Variants in BBS9 observed in about 807,000 individuals in gnomAD.
The protein encoded by BBS9 is Bardet-Biedl syndrome 9, also known as protein PTHB1.
BBS9 carries 89 observed loss-of-function variants against 117.7 expected under a neutral mutation model. The observed-to-expected ratio is 0.76, with a 90% CI of 0.64 to 0.90. BBS9 has a LOEUF of 0.90. BBS9 is among the 40% of genes least tolerant of loss of function. BBS9 has a pLI of 0.00. For missense variants in BBS9, 982 were observed against 1,042.2 expected, an observed-to-expected ratio of 0.94 and a Z score of 0.80; for synonymous variants, 379 against 370.9, an observed-to-expected ratio of 1.02 and a Z score of -0.25.
exon 22 of BBS9, among the ~76,000 whole-genome samples, chr7:33,635,324 T>G (rs143789885): frequency 1.3e-5 from 2 of 152,170 alleles, no homozygotes; most frequent in Non-Finnish European, 2.9e-5. Context: ...GACAGGCCAA[T>G]GGAGAAGGTC....
At chr7:33,459,391 A>G (rs758377689) in intron 19 of BBS9, among the ~76,000 whole-genome samples, 8 of 151,790 alleles carry the variant, frequency 5.3e-5, no homozygotes, top group Non-Finnish European at 1.0e-4. Flanking sequence ...GCATCTAGTA[A>G]GTAGAGGCCA....
At chr7:33,489,309 A>G (rs1843573070) in intron 19 of BBS9, among the ~76,000 whole-genome samples, 1 of 149,816 alleles carries the variant, frequency 6.7e-6, no homozygotes, top group Non-Finnish European at 1.5e-5. Context: ...AGACTTCTTT[A>G]AACAAAAATA....
intron 5 of BBS9, among the ~76,000 whole-genome samples, chr7:33,212,037 A>G (rs184114583): frequency 1.3e-5 from 2 of 152,268 alleles, no homozygotes; most frequent in African/African-American, 4.8e-5. Context: ...TGATTATTAG[A>G]TGCCTTGAGA....
intron 17 of BBS9, among the ~76,000 whole-genome samples, chr7:33,382,396 G>T (rs1294902819): frequency 6.6e-6 from 1 of 150,966 alleles, no homozygotes; most frequent in Non-Finnish European, 1.5e-5. Flanking sequence ...GGAGGCTGAG[G>T]TTACAGTGAA....
chr7:33,314,821 A>G (rs1171202215), intron 9 of BBS9, among the ~76,000 whole-genome samples: 1 of 152,220 alleles, frequency 6.6e-6, no homozygotes, highest in African/African-American at 2.4e-5. Context: ...AGATGCTATT[A>G]TAGAAAAACT....
At chr7:33,603,689 T>C (rs1215206323) in intron 21 of BBS9, among the ~76,000 whole-genome samples, 5 of 152,162 alleles carry the variant, frequency 3.3e-5, no homozygotes, top group Non-Finnish European at 7.4e-5. Flanking sequence ...GGTAAGGCCC[T>C]TGTCATTTTC....
chr7:33,425,066 C>T (rs1833456111), intron 19 of BBS9, among the ~76,000 whole-genome samples: 1 of 151,978 alleles, frequency 6.6e-6, no homozygotes, highest in Non-Finnish European at 1.5e-5. Context: ...GGAGGAAAAC[C>T]ACTTATCTAA....
chr7:33,505,432 T>G, intron 19 of BBS9, 31 bp from the exon 20 acceptor site: 1 of 1,611,868 alleles, frequency 6.2e-7, no homozygotes, highest in Non-Finnish European at 8.5e-7. Flanking sequence ...ATTGTGAAAT[T>G]ATCCCTAACC....
At chr7:33,259,054 C>T (rs903655391) in intron 6 of BBS9, among the ~76,000 whole-genome samples, 1 of 151,974 alleles carries the variant, frequency 6.6e-6, no homozygotes, top group Non-Finnish European at 1.5e-5. Flanking sequence ...AACATTAAGT[C>T]GTATGTTGTA....
intron 9 of BBS9, among the ~76,000 whole-genome samples, chr7:33,281,053 T>A (rs1290221392): frequency 6.6e-6 from 1 of 151,868 alleles, no homozygotes; most frequent in Admixed American, 6.6e-5. Context: ...ATGTAAGGTA[T>A]AAATTCTGAT....
At chr7:33,316,073 T>C (rs560856374) in intron 9 of BBS9, among the ~76,000 whole-genome samples, 2 of 152,336 alleles carry the variant, frequency 1.3e-5, no homozygotes, top group East Asian at 3.9e-4. Context: ...AACATTTCCA[T>C]CACCTAGAAA....
chr7:33,517,819 T>G (rs1412695389), intron 20 of BBS9, among the ~76,000 whole-genome samples: 1 of 152,086 alleles, frequency 6.6e-6, no homozygotes, highest in African/African-American at 2.4e-5. Flanking sequence ...ATAATAGGAG[T>G]GACTGCTCCA....
intron 20 of BBS9, among the ~76,000 whole-genome samples, chr7:33,526,481 G>A (rs1012008641): frequency 1.6e-4 from 24 of 150,946 alleles, no homozygotes; most frequent in South Asian, 4.3e-4. Context: ...CTTCCTTCTC[G>A]CTTCATTTCA....
rs187605286 is a variant in BBS9, at chr7:33,202,610, G to A, written c.442+25019G>A. 1.1e-4 allele frequency among the ~76,000 whole-genome samples: 16 copies of A among 152,250 alleles called. No individual in the cohort carries two copies. In the East Asian group the frequency reaches 1.4e-3, roughly 13 times the overall value. On this transcript the variant is annotated intron_variant, in intron 5 of 22. Coordinates refer to ENST00000242067, the MANE Select transcript of BBS9 (RefSeq NM_198428.3). ...TTGAGGGTGAAGGGGAAGCAGGCACGTCTTACATGGTTGGATAAGGAGGAT... is the reference window on the plus strand; with the variant it reads ...TTGAGGGTGAAGGGGAAGCAGGCACATCTTACATGGTTGGATAAGGAGGAT...
At chr7:33,138,637 A>G (rs74915071) in intron 1 of BBS9, among the ~76,000 whole-genome samples, 3,021 of 150,998 alleles carry the variant, frequency 0.02, 115 homozygotes, top group African/African-American at 0.07. Flanking sequence ...AACAATAATG[A>G]TATATATATT....
intron 19 of BBS9, among the ~76,000 whole-genome samples, chr7:33,438,351 A>G (rs1056660536): frequency 6.6e-6 from 1 of 152,232 alleles, no homozygotes; most frequent in Non-Finnish European, 1.5e-5. Flanking sequence ...CTAAATTGAA[A>G]TATAACTTTT....
At chr7:33,570,168 T>C (rs894898201) in intron 21 of BBS9, among the ~76,000 whole-genome samples, 3 of 152,112 alleles carry the variant, frequency 2.0e-5, no homozygotes, top group Non-Finnish European at 2.9e-5. Flanking sequence ...ATATAAAAAT[T>C]AAATACTTTA....
chr7:33,264,673 T>C (rs769897823), intron 7 of BBS9, among the ~76,000 whole-genome samples: 1 of 152,086 alleles, frequency 6.6e-6, no homozygotes, highest in Non-Finnish European at 1.5e-5. Context: ...CTCTCCTTAA[T>C]AGGCAAAATT....
At chr7:33,365,125 C>T (rs1184483870) in intron 16 of BBS9, among the ~76,000 whole-genome samples, 1 of 151,374 alleles carries the variant, frequency 6.6e-6, no homozygotes, top group East Asian at 1.9e-4. Context: ...GTTGAGCTTC[C>T]TGAAAACAAT....
Sources: allele counts gnomAD v4.1 joint callset (sites outside exome capture counted in the v4.1 genomes callset), GRCh38; gene constraint gnomAD v4.1.1; transcripts MANE v1.5; gene names NCBI Gene and HGNC (gene_info 2026-07-23, HGNC 2026-07-21).